CSTF3: variants seen among roughly 807,000 people sequenced by gnomAD.
The protein encoded by CSTF3 is cleavage stimulation factor subunit 3.
CSTF3 carries 29 observed loss-of-function variants against 105.8 expected under a neutral mutation model. The ratio of observed to expected loss-of-function variants is 0.27; its 90% CI spans 0.20 to 0.37. CSTF3 has a LOEUF of 0.37. Among genes scored for constraint, CSTF3 ranks in the 10% least tolerant of loss-of-function variants. CSTF3 has a pLI of 1.00. For synonymous variants in CSTF3, 252 were observed against 281.9 expected (o/e 0.89, Z 1.06); for missense variants, 357 against 879.3 (o/e 0.41, Z 7.51).
intron 3 of CSTF3, among the ~76,000 whole-genome samples, chr11:33,125,144 T>C (rs1855530534): frequency 6.6e-6 from 1 of 152,178 alleles, no homozygotes; most frequent in Non-Finnish European, 1.5e-5. Context: ...AGTAGACACA[T>C]TTTCACACTA....
chr11:33,161,221 C>T, intron 1 of CSTF3, 78 bp downstream of exon 1: 1 of 1,547,416 alleles, frequency 6.5e-7, no homozygotes. Flanking sequence ...CCTTCCTCAG[C>T]CGAACATGTC....
intron 3 of CSTF3, among the ~76,000 whole-genome samples, chr11:33,119,110 CTG>C (rs1443679106): frequency 3.3e-5 from 5 of 151,556 alleles, no homozygotes; most frequent in Non-Finnish European, 5.9e-5. Flanking sequence ...TTACTTAAAA[CTG>C]TTTATAATTC....
intron 3 of CSTF3, 163 bp downstream of exon 3, chr11:33,141,504 T>A: frequency 7.6e-7 from 1 of 1,322,126 alleles, no homozygotes; most frequent in Non-Finnish European, 9.7e-7. Flanking sequence ...GACCCAAATT[T>A]CAAAAATTCA....
At chr11:33,138,389 A>C (rs1280025184) in intron 3 of CSTF3, among the ~76,000 whole-genome samples, 1 of 151,822 alleles carries the variant, frequency 6.6e-6, no homozygotes, top group Non-Finnish European at 1.5e-5. Flanking sequence ...ATTTAAAAGA[A>C]TATGTCAAAA....
At chr11:33,155,089 G>A in intron 1 of CSTF3, among the ~76,000 whole-genome samples, 1 of 151,986 alleles carries the variant, frequency 6.6e-6, no homozygotes, top group East Asian at 1.9e-4. Flanking sequence ...GGGCATGGTG[G>A]CTCACACCTG....
Position 33,099,752 on chromosome 11 carries a change from A to T in CSTF3, c.827-35T>A. On this transcript the variant is annotated intron_variant, in intron 10 of 20. Transcript: ENST00000323959. The surrounding 1 kb of genome is among the most constrained non-coding windows in gnomAD (Gnocchi z 4.1). Reference sequence around the variant, plus strand: ...GAAATTAACAAACAATATTCAATTAAAATAATTATTATTTGTAAAACTATC... The same window carrying T: ...GAAATTAACAAACAATATTCAATTATAATAATTATTATTTGTAAAACTATC... 1 of 1,296,066 alleles carries T rather than the reference A, an allele frequency of 7.7e-7. No homozygotes were observed. Among genetic ancestry groups the T allele is most frequent in the Non-Finnish European group, 1.1e-6 (1 of 932,808 alleles). 80.3% of individuals were successfully genotyped at this position (1,296,066 alleles called of 1,614,324 possible). A position where few individuals can be genotyped will look rare whatever the true frequency, so the allele number is the denominator to read the frequency against.
In CSTF3 at chr11:33,085,640, A is replaced by C. The variant is rs1055200690; in HGVS notation, c.1951+73T>G. The C allele has an allele frequency of 2.3e-6, 3 of 1,332,142 alleles. No individual in the cohort carries two copies. In the South Asian group the frequency reaches 3.6e-5, roughly 16 times the overall value. 82.5% of individuals were successfully genotyped at this position (1,332,142 alleles called of 1,614,324 possible). On this transcript the variant is annotated intron_variant, in intron 20 of 20. Coordinates refer to ENST00000323959, the MANE Select transcript of CSTF3 (RefSeq NM_001326.3). ...CTGGTTTCGAAAACTTCAGTGGCAG[A>C]GAATAATAATCTCTACTGCCTATGA... is the stretch of plus-strand genomic sequence containing the variant.
chr11:33,114,896 G>A (rs1050509247), intron 3 of CSTF3, among the ~76,000 whole-genome samples: 5 of 151,992 alleles, frequency 3.3e-5, no homozygotes, highest in Non-Finnish European at 7.4e-5. Flanking sequence ...CTCTATAGAG[G>A]AACACCAAGA....
chr11:33,104,242 T>C (rs1264456286), intron 8 of CSTF3, among the ~76,000 whole-genome samples: 2 of 152,204 alleles, frequency 1.3e-5, no homozygotes, highest in Non-Finnish European at 2.9e-5. Context: ...CTAAGACCCT[T>C]TCAGGGAGTC....
intron 1 of CSTF3, chr11:33,156,937 A>G (rs149347511): frequency 4.6e-4 from 123 of 270,078 alleles, no homozygotes; most frequent in African/African-American, 2.7e-3. Context: ...CTCTTCAACT[A>G]AAGAAGTTCA....
intron 3 of CSTF3, among the ~76,000 whole-genome samples, chr11:33,128,071 C>A (rs762827365): frequency 6.6e-6 from 1 of 152,072 alleles, no homozygotes; most frequent in African/African-American, 2.4e-5. Flanking sequence ...ATAAGCTAGA[C>A]GCTGGCAATG....
chr11:33,155,388 A>T (rs1018704897), intron 1 of CSTF3, among the ~76,000 whole-genome samples: 1 of 144,994 alleles, frequency 6.9e-6, no homozygotes, highest in African/African-American at 2.7e-5. Flanking sequence ...AAAAAAATTA[A>T]AAAAAAAAAA....
At chr11:33,157,878 C>A (rs572661009) in intron 1 of CSTF3, among the ~76,000 whole-genome samples, 1 of 152,150 alleles carries the variant, frequency 6.6e-6, no homozygotes, top group South Asian at 2.1e-4. Context: ...TCTTATTATT[C>A]TTTAGTCTCA....
intron 3 of CSTF3, among the ~76,000 whole-genome samples, chr11:33,120,720 T>C (rs1855478827): frequency 6.6e-6 from 1 of 151,968 alleles, no homozygotes; most frequent in South Asian, 2.1e-4. Context: ...ATAGCAGACA[T>C]TCAATAATAA....
chr11:33,153,848 T>C (rs1849821294), intron 1 of CSTF3, among the ~76,000 whole-genome samples: 1 of 151,926 alleles, frequency 6.6e-6, no homozygotes, highest in Admixed American at 6.6e-5. Context: ...AAAGTATGAA[T>C]AGAGGGGGAG....
chr11:33,111,154 C>T (rs562574597), intron 3 of CSTF3, among the ~76,000 whole-genome samples: 5 of 152,042 alleles, frequency 3.3e-5, no homozygotes, highest in Admixed American at 1.3e-4. Context: ...CACTTGAACC[C>T]GGGAGGCAGA....
chr11:33,148,687 T>G (rs978426158), intron 1 of CSTF3, among the ~76,000 whole-genome samples: 32 of 141,382 alleles, frequency 2.3e-4, no homozygotes, highest in Middle Eastern at 3.3e-3. Context: ...CAGAGGAGAC[T>G]CCATCTCAAA....
rs201998007 is a variant in CSTF3 at position 33,085,053 on chromosome 11, T to C, written c.*34A>G. 1.2e-6 allele frequency: 2 copies of C among 1,610,648 alleles called. No homozygotes were observed. The highest frequency in any genetic ancestry group is 4.5e-5 in the East Asian group (2 of 44,860). On this transcript the variant is annotated 3_prime_UTR_variant, in exon 21 of 21. Coordinates refer to ENST00000323959, the MANE Select transcript of CSTF3 (RefSeq NM_001326.3). ...ATACCACTTGAGGCAAAAGGAATCC[T>C]GGACAGGAGTTTTCTGCAGAGGCGT...
chr11:33,095,818 TCAAA>T (rs1446031886), intron 15 of CSTF3, among the ~76,000 whole-genome samples: 1 of 48,960 alleles, frequency 2.0e-5, no homozygotes, highest in African/African-American at 6.4e-5. Flanking sequence ...AGACTCTGTC[TCAAA>T]TAAATAAATA....
Sources: allele counts gnomAD v4.1 joint callset (sites outside exome capture counted in the v4.1 genomes callset), GRCh38; gene constraint gnomAD v4.1.1; non-coding constraint Gnocchi (gnomAD v3.1); transcripts MANE v1.5; gene names NCBI Gene and HGNC (gene_info 2026-07-23, HGNC 2026-07-21).